PCDH17: variants seen among roughly 807,000 people sequenced by gnomAD.
The protein encoded by PCDH17 is protocadherin-17.
PCDH17 carries 21 observed loss-of-function variants against 67.7 expected under a neutral mutation model. The ratio of observed to expected loss-of-function variants is 0.31; its 90% CI spans 0.22 to 0.45. The LOEUF is 0.45. Ranked by LOEUF, PCDH17 falls within the 20% of genes least tolerant of loss-of-function variation. The pLI is 1.00. For synonymous variants in PCDH17, 701 were observed against 656.7 expected (o/e 1.07, Z -1.03); for missense variants, 1,471 against 1,564.8 (o/e 0.94, Z 1.01).
intron 1 of PCDH17, among the ~76,000 whole-genome samples, chr13:57,662,937 C>T (rs1955201276): frequency 6.6e-6 from 1 of 151,874 alleles, no homozygotes; most frequent in Admixed American, 6.6e-5. Flanking sequence ...TTTTTATTAC[C>T]TTTAACACAC....
intron 1 of PCDH17, among the ~76,000 whole-genome samples, chr13:57,664,014 C>G (rs1226875945): frequency 6.6e-6 from 1 of 152,086 alleles, no homozygotes. Flanking sequence ...AAGTGATTCT[C>G]AGTCTCAGCC....
rs1444739113 is a variant in PCDH17 at position 57,633,975 on chromosome 13, T to C, written c.1429T>C (p.Tyr477His). 1 of 1,613,630 alleles carries C rather than the reference T, an allele frequency of 6.2e-7. No individual in the cohort carries two copies. Among genetic ancestry groups the C allele is most frequent in the Non-Finnish European group, 8.5e-7 (1 of 1,180,020 alleles). The change falls in exon 1 of 4, where the codon TAC (tyrosine) becomes CAC (histidine). Residue 477 changes from tyrosine (Y) to histidine (H), a missense_variant. Coordinates refer to ENST00000377918, the MANE Select transcript of PCDH17 (RefSeq NM_001040429.3). This position sits in a 1 kb window ranked among gnomAD's most constrained non-coding sequence, Gnocchi z 6.2. ...CCCGCCTCGGTTCACCAAAGGGCTC[T>C]ACGTGCTTCAGGTGCACGAGAACAA... ...DNPPRFTKGL[Y>H]VLQVHENNIP...
rs1012426346 is a variant in PCDH17 at position 57,717,046 on chromosome 13, C to T, written c.2798-7566C>T. 2.0e-5 allele frequency among the ~76,000 whole-genome samples: 3 copies of T among 152,050 alleles called. No homozygotes were observed. The East Asian group carries it at 5.8e-4, about 30-fold the overall frequency. On this transcript the variant is annotated intron_variant, in intron 3 of 3. Coordinates refer to ENST00000377918, the MANE Select transcript of PCDH17 (RefSeq NM_001040429.3). ...AAAGTCTCTGTAAGCATACTTTTCT[C>T]AAAGTGAATATAAACCTTGTTCTGG...
At chr13:57,678,529 AG>A (rs1313556407) in intron 3 of PCDH17, among the ~76,000 whole-genome samples, 4 of 151,738 alleles carry the variant, frequency 2.6e-5, no homozygotes, top group African/African-American at 7.2e-5. Context: ...GAGATGTGGA[AG>A]AAAAGGGTAA....
At chr13:57,630,390 T>G (rs2137962226), upstream of PCDH17, among the ~76,000 whole-genome samples, 1 of 150,568 alleles carries the variant, frequency 6.6e-6, no homozygotes, top group Admixed American at 6.6e-5. Flanking sequence ...ACTGCACAAT[T>G]AACTGTACAC....
chr13:57,654,108 T>A (rs139020768), intron 1 of PCDH17, among the ~76,000 whole-genome samples: 1 of 152,266 alleles, frequency 6.6e-6, no homozygotes, highest in African/African-American at 2.4e-5. Context: ...TGCAGGAATG[T>A]GCAGAGTAAA....
In PCDH17 at chr13:57,728,634, A is replaced by G. The variant is rs2138112932; in HGVS notation, c.*3340A>G. The G allele has an allele frequency of 6.6e-6, 1 of 151,976 alleles. No individual in the cohort carries two copies. The highest frequency in any genetic ancestry group is 2.1e-4 in the South Asian group (1 of 4,810). The allele number at this position is 151,976 out of a possible 1,614,324, so 9.4% of individuals were successfully genotyped here. ...AAACATTAAAGAGACATATCATGCAATTTCAAAGAATTCTTTCATGCTATT... is the reference window on the plus strand; with the variant it reads ...AAACATTAAAGAGACATATCATGCAGTTTCAAAGAATTCTTTCATGCTATT... On this transcript the variant is annotated 3_prime_UTR_variant, in exon 4 of 4. Transcript: ENST00000377918.
At chr13:57,718,075 A>G (rs1309514692) in intron 3 of PCDH17, among the ~76,000 whole-genome samples, 1 of 151,984 alleles carries the variant, frequency 6.6e-6, no homozygotes, top group African/African-American at 2.4e-5. Flanking sequence ...GTATCTCTAT[A>G]TTAGTTACTT....
At chr13:57,708,570 T>TA (rs1397443292) in intron 3 of PCDH17, among the ~76,000 whole-genome samples, 2 of 151,896 alleles carry the variant, frequency 1.3e-5, no homozygotes, top group East Asian at 3.9e-4. Context: ...GGGTATACTT[T>TA]AAAAATAGGA....
intron 3 of PCDH17, among the ~76,000 whole-genome samples, chr13:57,677,212 C>G (rs182788338): frequency 1.7e-4 from 26 of 151,882 alleles, no homozygotes; most frequent in African/African-American, 4.8e-4. Context: ...TCCCTAGACT[C>G]TCTTGGGACT....
intron 3 of PCDH17, among the ~76,000 whole-genome samples, chr13:57,695,263 T>C (rs1955595863): frequency 6.6e-6 from 1 of 151,260 alleles, no homozygotes; most frequent in Admixed American, 6.6e-5. Context: ...CATTTTAAAA[T>C]ATTAAATAAC....
chr13:57,641,274 G>A (rs999655299), intron 1 of PCDH17, among the ~76,000 whole-genome samples: 1 of 151,480 alleles, frequency 6.6e-6, no homozygotes, highest in Middle Eastern at 3.4e-3. Flanking sequence ...GATATACTGC[G>A]ATCTTTGGTC....
At chr13:57,714,074 A>G (rs1000307058) in intron 3 of PCDH17, among the ~76,000 whole-genome samples, 1 of 151,658 alleles carries the variant, frequency 6.6e-6, no homozygotes, top group Non-Finnish European at 1.5e-5. Context: ...ATATTAAAAT[A>G]TTAAAAACAT....
At chr13:57,643,179 A>T (rs1221298336) in intron 1 of PCDH17, among the ~76,000 whole-genome samples, 2 of 151,646 alleles carry the variant, frequency 1.3e-5, no homozygotes, top group African/African-American at 4.8e-5. Flanking sequence ...CATGAAAAGA[A>T]TTACCTAACC....
In PCDH17 at chr13:57,634,617, G is replaced by C; in HGVS notation, c.2071G>C (p.Gly691Arg). Residue 691 changes from glycine to arginine, a missense_variant, in exon 1 of 4, where the codon GGG (glycine) becomes CGG (arginine). Gly to Arg is a moderately radical substitution (Grantham distance 125, BLOSUM62 -2). Transcript: ENST00000377918. This position sits in a 1 kb window ranked among gnomAD's most constrained non-coding sequence, Gnocchi z 7.8. ...IRSVSGSLPE[G>R]VPRVNGEQHH... The stretch of plus-strand genomic sequence containing the variant: ...CTCGGTGAGCGGATCCCTTCCCGAG[G>C]GGGTACCACGGGTGAATGGCGAGCA... 1 of 1,613,410 alleles carries C rather than the reference G, an allele frequency of 6.2e-7. No individual in the cohort carries two copies. The highest frequency in any genetic ancestry group is 8.5e-7 in the Non-Finnish European group (1 of 1,179,986).
rs1001994070 is a variant in PCDH17, at chr13:57,726,943, T to G, written c.*1649T>G. The G allele has an allele frequency of 6.6e-6, 1 of 152,632 alleles. No individual in the cohort carries two copies. Among genetic ancestry groups the G allele is most frequent in the African/African-American group, 2.4e-5 (1 of 41,464 alleles). 9.5% of individuals were successfully genotyped at this position (152,632 alleles called of 1,614,324 possible). A position where few individuals can be genotyped will look rare whatever the true frequency, so the allele number is the denominator to read the frequency against. On this transcript the variant is annotated 3_prime_UTR_variant, in exon 4 of 4. Transcript: ENST00000377918. ...TCTGGGTCTTAACAAAATGTTTTCCTTTATCTCAGTGCTCTTCTGCCTCTT... is the reference window on the plus strand; with the variant it reads ...TCTGGGTCTTAACAAAATGTTTTCCGTTATCTCAGTGCTCTTCTGCCTCTT...
chr13:57,666,558 C>T, intron 2 of PCDH17, 32 bp downstream of exon 2: 2 of 1,610,284 alleles, frequency 1.2e-6, no homozygotes, highest in South Asian at 1.1e-5. Flanking sequence ...TTCTCAGCTT[C>T]CCCATTTGCA....
intron 3 of PCDH17, among the ~76,000 whole-genome samples, chr13:57,674,900 A>G (rs1955372990): frequency 6.6e-6 from 1 of 151,968 alleles, no homozygotes; most frequent in Admixed American, 6.6e-5. Flanking sequence ...CTTGAAATAT[A>G]ACGCCTCCAT....
intron 1 of PCDH17, among the ~76,000 whole-genome samples, chr13:57,659,747 T>C (rs1447336949): frequency 1.3e-5 from 2 of 152,184 alleles, no homozygotes; most frequent in Non-Finnish European, 2.9e-5. Context: ...ATGAGCCATT[T>C]TGAAAATTAA....
Sources: gnomAD v4.1 joint callset for allele counts (sites outside exome capture counted in the v4.1 genomes callset) on GRCh38, gnomAD v4.1.1 for gene constraint, Gnocchi (gnomAD v3.1) non-coding constraint, MANE v1.5 for transcripts, NCBI Gene and HGNC (gene_info 2026-07-23, HGNC 2026-07-21) for gene names.